Variants in VWA3B observed in about 807,000 individuals in gnomAD.
VWA3B encodes the protein von Willebrand factor A domain containing 3B.
In VWA3B, 138 loss-of-function variants were observed where a neutral mutation model predicts 158.3. That is an observed-to-expected ratio of 0.87 (90% CI 0.76 to 1.00). The LOEUF is 1.00. Among genes scored for constraint, VWA3B ranks in the 50% least tolerant of loss-of-function variants. VWA3B has a pLI of 0.00. For missense variants in VWA3B, 1,555 were observed against 1,565.1 expected, an observed-to-expected ratio of 0.99 and a Z score of 0.11; for synonymous variants, 596 against 587.3, an observed-to-expected ratio of 1.01 and a Z score of -0.21.
intron 21 of VWA3B, among the ~76,000 whole-genome samples, 155 bp from the exon 22 acceptor site, chr2:98,270,527 A>G (rs896538428): frequency 6.6e-6 from 1 of 152,236 alleles, no homozygotes; most frequent in Non-Finnish European, 1.5e-5. Context: ...GGGCATGGCT[A>G]TGATGCTGTC....
intron 19 of VWA3B, among the ~76,000 whole-genome samples, chr2:98,242,105 T>C (rs954325650): frequency 5.9e-5 from 9 of 152,156 alleles, no homozygotes; most frequent in Non-Finnish European, 2.9e-5. Flanking sequence ...AGAATCTTAA[T>C]TGCGTCCTCC....
chr2:98,167,881 C>G (rs576357774), intron 8 of VWA3B, among the ~76,000 whole-genome samples: 2 of 152,282 alleles, frequency 1.3e-5, no homozygotes, highest in African/African-American at 4.8e-5. Flanking sequence ...TTGCCTCAGT[C>G]ATGGGGAATA....
chr2:98,199,523 G>A (rs1682350738), intron 12 of VWA3B, among the ~76,000 whole-genome samples: 1 of 152,140 alleles, frequency 6.6e-6, no homozygotes, highest in African/African-American at 2.4e-5. Context: ...TTTCCGCAGG[G>A]TGAAACAATG....
intron 7 of VWA3B, 89 bp downstream of exon 7, chr2:98,134,028 G>A (rs1010406709): frequency 1.9e-6 from 2 of 1,030,012 alleles, no homozygotes; most frequent in South Asian, 1.3e-5. Flanking sequence ...ACGAGGGAGA[G>A]ACTCCCCATG....
At chr2:98,245,683 G>T (rs374114440) in intron 19 of VWA3B, 2 of 445,932 alleles carry the variant, frequency 4.5e-6, no homozygotes, top group East Asian at 7.0e-5. Context: ...TTATAATGTT[G>T]CTTAGTGGTA....
At chr2:98,160,380 G>A (rs796719274) in intron 7 of VWA3B, among the ~76,000 whole-genome samples, 37 of 152,028 alleles carry the variant, frequency 2.4e-4, no homozygotes, top group African/African-American at 8.0e-4. Flanking sequence ...GACTTGTGTT[G>A]CTCTCTGATC....
chr2:98,179,800 TTCTTTC>T (rs761185898), intron 8 of VWA3B, among the ~76,000 whole-genome samples: 193 of 98,456 alleles, frequency 2.0e-3, no homozygotes, highest in Non-Finnish European at 3.3e-3. Flanking sequence ...CTTTCTTTCT[TTCTTTC>T]TTTCTTTCTT....
At chr2:98,238,903 A>C (rs916290335) in intron 19 of VWA3B, among the ~76,000 whole-genome samples, 1 of 152,186 alleles carries the variant, frequency 6.6e-6, no homozygotes, top group Non-Finnish European at 1.5e-5. Flanking sequence ...AGGGAAAAAA[A>C]GGAAAAAAGT....
At chr2:98,292,275 T>C (rs1216603859) in intron 23 of VWA3B, among the ~76,000 whole-genome samples, 1 of 152,082 alleles carries the variant, frequency 6.6e-6, no homozygotes, top group African/African-American at 2.4e-5. Context: ...TAGCTGGCCT[T>C]TCATAGGCAT....
chr2:98,247,060 T>C (rs4619658), intron 19 of VWA3B, among the ~76,000 whole-genome samples: 123,367 of 151,760 alleles, frequency 0.81, 50,523 homozygotes, highest in South Asian at 0.9. Flanking sequence ...TGTAGTGGTG[T>C]GATCTCGGCT....
chr2:98,111,490 GGTT>G (rs1674130223), intron 2 of VWA3B, among the ~76,000 whole-genome samples: 1 of 152,106 alleles, frequency 6.6e-6, no homozygotes, highest in Non-Finnish European at 1.5e-5. Context: ...TTTCCATAGA[GGTT>G]GTACTAATTT....
Position 98,300,184 on chromosome 2 carries a change from T to C in VWA3B, c.3388T>C (p.Phe1130Leu). 1 of 1,614,182 alleles carries C rather than the reference T, an allele frequency of 6.2e-7. No individual in the cohort carries two copies. Among genetic ancestry groups the C allele is most frequent in the Non-Finnish European group, 8.5e-7 (1 of 1,180,034 alleles). The change falls in exon 25 of 28, where the codon TTC (phenylalanine) becomes CTC (leucine). Residue 1130 changes from phenylalanine to leucine, a missense_variant. By Grantham distance (22) the Phe-to-Leu change is conservative. Coordinates refer to ENST00000477737, the MANE Select transcript of VWA3B (RefSeq NM_144992.5). ...CAATAAGCATGTGGCCACAGAAAAA[T>C]TCTACACAGTTTTGAAGTGTAACAA... Reference protein sequence around the residue: ...LPNKHVATEKFYTVLKCNNRR... With the variant: ...LPNKHVATEKLYTVLKCNNRR...
chr2:98,280,145 C>G (rs954325814), intron 22 of VWA3B, among the ~76,000 whole-genome samples: 1 of 152,146 alleles, frequency 6.6e-6, no homozygotes, highest in African/African-American at 2.4e-5. Flanking sequence ...TTGGTGATTT[C>G]CAGATATAAA....
intron 21 of VWA3B, among the ~76,000 whole-genome samples, chr2:98,267,649 C>T (rs1160362726): frequency 6.6e-6 from 1 of 151,978 alleles, no homozygotes; most frequent in African/African-American, 2.4e-5. Flanking sequence ...CAAGAGCAAA[C>T]ACATTCAAAA....
At chr2:98,208,756 C>T (rs1434316214) in intron 12 of VWA3B, among the ~76,000 whole-genome samples, 1 of 152,148 alleles carries the variant, frequency 6.6e-6, no homozygotes, top group Non-Finnish European at 1.5e-5. Context: ...TAAACTTTTG[C>T]TTCAATCATA....
chr2:98,104,590 T>C (rs1258559697), intron 2 of VWA3B, among the ~76,000 whole-genome samples: 1 of 152,160 alleles, frequency 6.6e-6, no homozygotes, highest in African/African-American at 2.4e-5. Flanking sequence ...ATTTCAACAC[T>C]AGGTTTAGAG....
intron 7 of VWA3B, among the ~76,000 whole-genome samples, chr2:98,159,902 C>T (rs982934486): frequency 4.0e-5 from 6 of 151,220 alleles, no homozygotes; most frequent in South Asian, 2.1e-4. Flanking sequence ...CCCAGCTATT[C>T]GGGAGGCTGA....
chr2:98,189,769 G>A (rs766643587), intron 10 of VWA3B, among the ~76,000 whole-genome samples: 2 of 152,036 alleles, frequency 1.3e-5, no homozygotes, highest in Non-Finnish European at 2.9e-5. Flanking sequence ...ATTTAAGATT[G>A]TTATGTTCTC....
Position 98,268,722 on chromosome 2 carries a change from T to C in VWA3B, c.2844-1960T>C, listed in dbSNP as rs142426804. Among the ~76,000 whole-genome samples the C allele has an allele frequency of 5.9e-5, 9 of 151,866 alleles. No homozygotes were observed. In the East Asian group the frequency reaches 1.7e-3, roughly 29 times the overall value. On this transcript the variant is annotated intron_variant, in intron 21 of 27. Coordinates refer to ENST00000477737, the MANE Select transcript of VWA3B (RefSeq NM_144992.5). ...TGTAATTAGTATATTAAGGAGACTATATATTTCAAGAATTGCTTAAATTCT... is the reference window on the plus strand; with the variant it reads ...TGTAATTAGTATATTAAGGAGACTACATATTTCAAGAATTGCTTAAATTCT...
Sources: allele counts gnomAD v4.1 joint callset (sites outside exome capture counted in the v4.1 genomes callset), GRCh38; gene constraint gnomAD v4.1.1; transcripts MANE v1.5; gene names NCBI Gene and HGNC (gene_info 2026-07-23, HGNC 2026-07-21).